The following DOCK5 variants were observed in gnomAD, a reference collection of about 807,000 sequenced individuals.
DOCK5 encodes dedicator of cytokinesis 5.
Under a neutral mutation model 251.8 loss-of-function variants are expected in DOCK5, and 142 were observed. The observed-to-expected ratio is 0.56, with a 90% CI of 0.49 to 0.65. The LOEUF (loss-of-function observed/expected upper bound fraction) is 0.65, where lower values mean the gene tolerates loss of function less well. DOCK5 is among the 30% of genes least tolerant of loss of function. DOCK5 has a pLI of 0.00. For missense variants in DOCK5, 2,111 were observed against 2,312.3 expected (o/e 0.91, Z 1.79); for synonymous variants, 842 against 835.5 (o/e 1.01, Z -0.13).
In DOCK5 at chr8:25,292,065, G is replaced by C. The variant is rs150548776; in HGVS notation, c.363G>C (p.Thr121=). ...TCTTCCGCCAGCTGCAGCAGATGAC[G>C]TACAGCCTGATCGAGTGGCGGTCCC... is the stretch of plus-strand genomic sequence containing the variant. ...LTLFRQLQQM[T]YSLIEWRSQI... is the part of the protein sequence containing the mutation. Residue 121 remains threonine, a synonymous_variant, in exon 6 of 52, where the codon ACG becomes ACC. Coordinates refer to ENST00000276440, the MANE Select transcript of DOCK5 (RefSeq NM_024940.8). 3 of 1,604,404 alleles carry C rather than the reference G, an allele frequency of 1.9e-6. No individual in the cohort carries two copies. The Admixed American group carries it at 5.1e-5, about 27-fold the overall frequency.
intron 1 of DOCK5, among the ~76,000 whole-genome samples, chr8:25,195,877 C>T (rs1801712731): frequency 6.6e-6 from 1 of 152,192 alleles, no homozygotes. Context: ...GGAATAGCAC[C>T]TGGCTCATAG....
intron 18 of DOCK5, among the ~76,000 whole-genome samples, chr8:25,328,614 C>T (rs17053399): frequency 0.023 from 3,485 of 152,228 alleles, 57 homozygotes; most frequent in South Asian, 0.075. Context: ...ATTTCTCCTT[C>T]GCCTGAGGAG....
chr8:25,215,595 G>T (rs571988906), intron 1 of DOCK5, among the ~76,000 whole-genome samples: 1 of 152,060 alleles, frequency 6.6e-6, no homozygotes, highest in South Asian at 2.1e-4. Flanking sequence ...TTCTTCCCAA[G>T]CAGGGCAGGA....
chr8:25,309,512 A>T (rs557928072), intron 12 of DOCK5, among the ~76,000 whole-genome samples: 5 of 152,220 alleles, frequency 3.3e-5, no homozygotes, highest in African/African-American at 9.6e-5. Flanking sequence ...TTCATTCCCA[A>T]TGTCGACCCT....
intron 25 of DOCK5, 131 bp from the exon 26 acceptor site, chr8:25,345,344 G>C (rs1800341258): frequency 1.6e-6 from 2 of 1,277,242 alleles, no homozygotes; most frequent in South Asian, 1.5e-5. Flanking sequence ...GCCTGGAGGG[G>C]CTGCATCCCT....
chr8:25,210,111 TC>T lies in DOCK5; in HGVS notation c.43+25161del, dbSNP rs1586230901. On this transcript the variant is annotated intron_variant, in intron 1 of 51. Transcript: ENST00000276440. ...ATCTATCTATCTATCTATCTATCTA[TC>T]TATCTATCTATCTATCTATCTATCG... 3.8e-5 allele frequency among the ~76,000 whole-genome samples: 2 copies of T among 52,940 alleles called. 1 individual carries two copies. The highest frequency in any genetic ancestry group is 8.8e-5 in the African/African-American group (2 of 22,760). The allele number at this position is 52,940 out of a possible 152,430, so 34.7% of individuals were successfully genotyped here. A position where few individuals can be genotyped will look rare whatever the true frequency, so the allele number is the denominator to read the frequency against.
rs374068453 is a variant in DOCK5, at chr8:25,408,002, T to A, written c.5113T>A (p.Leu1705Met). The A allele has an allele frequency of 6.5e-5, 105 of 1,612,556 alleles. No homozygotes were observed. The highest frequency in any genetic ancestry group is 8.5e-5 in the Non-Finnish European group (100 of 1,179,472). Residue 1705 changes from leucine (L) to methionine (M), a missense_variant, in exon 49 of 52, where the codon TTG (leucine) becomes ATG (methionine). This residue lies in a region of DOCK5 where 1,717 missense variants were observed against 1,892.4 expected (regional missense o/e 0.91). Coordinates refer to ENST00000276440, the MANE Select transcript of DOCK5 (RefSeq NM_024940.8). The stretch of plus-strand genomic sequence containing the variant: ...CAATAGCTCAATCTTGGAGCCACTT[T>A]TGGAGCGCAGGGCCTCGTCAGGTGC... ...GSDGSILEPL[L>M]ERRASSGARV...
chr8:25,374,784 A>C, intron 37 of DOCK5, 130 bp downstream of exon 37: 1 of 1,573,098 alleles, frequency 6.4e-7, no homozygotes, highest in Non-Finnish European at 8.6e-7. Context: ...AAGTTTTTTT[A>C]GTTCTTTCTA....
intron 48 of DOCK5, among the ~76,000 whole-genome samples, chr8:25,405,314 G>A (rs572978343): frequency 6.8e-6 from 1 of 146,984 alleles, no homozygotes; most frequent in South Asian, 2.2e-4. Flanking sequence ...TTACAATTTT[G>A]TCTGTAATCC....
intron 9 of DOCK5, among the ~76,000 whole-genome samples, chr8:25,301,590 C>T (rs754082644): frequency 2.6e-5 from 4 of 151,648 alleles, no homozygotes; most frequent in East Asian, 1.9e-4. Context: ...AATGGCTGGG[C>T]GCGGTGGCTC....
At chr8:25,288,948 G>A (rs1377303227) in intron 5 of DOCK5, among the ~76,000 whole-genome samples, 1 of 152,170 alleles carries the variant, frequency 6.6e-6, no homozygotes, top group Non-Finnish European at 1.5e-5. Context: ...TTTTAAACAG[G>A]CTTTGCCTTC....
intron 2 of DOCK5, among the ~76,000 whole-genome samples, chr8:25,252,521 A>G (rs1227892809): frequency 6.6e-6 from 1 of 152,228 alleles, no homozygotes; most frequent in East Asian, 1.9e-4. Flanking sequence ...CTGCGTGCAA[A>G]TATTTTGGCA....
intron 3 of DOCK5, among the ~76,000 whole-genome samples, chr8:25,274,273 C>A (rs1803985497): frequency 1.3e-5 from 2 of 149,050 alleles, no homozygotes; most frequent in Admixed American, 1.4e-4. Context: ...TGATCAGCCA[C>A]CCCTGACATG....
At position 25,308,828 on chromosome 8, in the gene DOCK5, G is replaced by T. The variant is rs137948132; in HGVS notation, c.1095G>T (p.Ser365=). 4.3e-6 allele frequency: 7 copies of T among 1,613,730 alleles called. No individual in the cohort carries two copies. Among genetic ancestry groups the T allele is most frequent in the Non-Finnish European group, 3.4e-6 (4 of 1,179,818 alleles). ...TYIRQRQLIM[S]PLITSHVIGE... ...TCCGCCAGAGGCAGCTCATCATGTC[G>T]CCTTTGATAACATCACACGTGATTG... Residue 365 remains serine, a synonymous_variant, in exon 12 of 52, where the codon TCG becomes TCT. Coordinates refer to ENST00000276440, the MANE Select transcript of DOCK5 (RefSeq NM_024940.8).
chr8:25,193,224 C>T (rs1397988632), intron 1 of DOCK5, among the ~76,000 whole-genome samples: 1 of 152,150 alleles, frequency 6.6e-6, no homozygotes, highest in Admixed American at 6.5e-5. Context: ...CCAATCAATA[C>T]ATAACCTTAT....
rs566210518 is a variant in DOCK5 at position 25,347,346 on chromosome 8, T to C, written c.2754+1735T>C. 1.2e-4 allele frequency among the ~76,000 whole-genome samples: 19 copies of C among 152,328 alleles called. No homozygotes were observed. The East Asian group carries it at 3.5e-3, about 28-fold the overall frequency. On this transcript the variant is annotated intron_variant, in intron 26 of 51. Coordinates refer to ENST00000276440, the MANE Select transcript of DOCK5 (RefSeq NM_024940.8). ...ACTTCCCTAAGCCCCTGTAGCCCAC[T>C]TACTCTTTGCACTGCTTACTTGATA...
intron 11 of DOCK5, among the ~76,000 whole-genome samples, chr8:25,306,178 A>C (rs534561578): frequency 3.3e-5 from 5 of 152,158 alleles, no homozygotes; most frequent in African/African-American, 4.8e-5. Flanking sequence ...AAATAGATAA[A>C]ATAAAATAGT....
At chr8:25,246,212 G>A (rs899688566) in intron 2 of DOCK5, among the ~76,000 whole-genome samples, 2 of 152,114 alleles carry the variant, frequency 1.3e-5, no homozygotes, top group Non-Finnish European at 2.9e-5. Context: ...GCTCCACAAG[G>A]CCATCAGAAA....
intron 25 of DOCK5, among the ~76,000 whole-genome samples, chr8:25,343,113 C>T (rs1380018482): frequency 6.6e-6 from 1 of 152,078 alleles, no homozygotes; most frequent in Non-Finnish European, 1.5e-5. Flanking sequence ...ATTCTCCTGC[C>T]TCAGCCCCCT....
Sources: gnomAD v4.1 joint callset for allele counts (sites outside exome capture counted in the v4.1 genomes callset) on GRCh38, gnomAD v4.1.1 for gene constraint, gnomAD v4.1.1 regional missense constraint, MANE v1.5 for transcripts, NCBI Gene and HGNC (gene_info 2026-07-23, HGNC 2026-07-21) for gene names.